The following DGKB variants were observed in gnomAD, a reference collection of about 807,000 sequenced individuals.
DGKB encodes diacylglycerol kinase beta.
Under a neutral mutation model 114.3 loss-of-function variants are expected in DGKB, and 67 were observed. That is an observed-to-expected ratio of 0.59 (90% CI 0.48 to 0.72). DGKB has a LOEUF of 0.72. DGKB is among the 30% of genes least tolerant of loss of function. The pLI is 0.00. For synonymous variants in DGKB, 398 were observed against 323.1 expected (o/e 1.23, Z -2.49); for missense variants, 907 against 975.2 (o/e 0.93, Z 0.93).
At chr7:14,885,525 G>T (rs186416488) in intron 1 of DGKB, among the ~76,000 whole-genome samples, 29 of 151,928 alleles carry the variant, frequency 1.9e-4, no homozygotes, top group Non-Finnish European at 3.2e-4. Flanking sequence ...AGAGAAGAAG[G>T]AGAATGCAAG....
chr7:14,734,623 A>G (rs372544437), intron 5 of DGKB, among the ~76,000 whole-genome samples: 3 of 152,310 alleles, frequency 2.0e-5, no homozygotes, highest in African/African-American at 7.2e-5. Context: ...AGAGATTTGC[A>G]ATTATGCAAA....
chr7:14,608,958 G>C (rs1258474832), intron 16 of DGKB, among the ~76,000 whole-genome samples: 1 of 151,992 alleles, frequency 6.6e-6, no homozygotes, highest in African/African-American at 2.4e-5. Context: ...GCTCATGGAA[G>C]AATCACTATC....
chr7:14,694,281 C>T (rs989380961), intron 8 of DGKB, 87 bp from the exon 9 acceptor site: 1 of 1,189,636 alleles, frequency 8.4e-7, no homozygotes, highest in African/African-American at 1.5e-5. Flanking sequence ...TGACTAACAG[C>T]TAAGTGGAGA....
rs1378019828 is a variant in DGKB at position 14,145,813 on chromosome 7, A to G, written c.*3318T>C. On this transcript the variant is annotated 3_prime_UTR_variant, in exon 26 of 26. Transcript: ENST00000402815. ...AACTAACGTTGACACAAAAAGGAAAAGAATGATCTCAAAATCTTGTCTCAT... is the reference window on the plus strand; with the variant it reads ...AACTAACGTTGACACAAAAAGGAAAGGAATGATCTCAAAATCTTGTCTCAT... 6.6e-6 allele frequency: 1 copy of G among 152,230 alleles called. No homozygotes were observed. Among genetic ancestry groups the G allele is most frequent in the Non-Finnish European group, 1.5e-5 (1 of 68,032 alleles). The allele number at this position is 152,230 out of a possible 1,614,324, so 9.4% of individuals were successfully genotyped here. A position where few individuals can be genotyped will look rare whatever the true frequency, so the allele number is the denominator to read the frequency against.
At chr7:14,726,751 C>T (rs1357871) in intron 5 of DGKB, among the ~76,000 whole-genome samples, 80,388 of 152,058 alleles carry the variant, frequency 0.53, 21,638 homozygotes, top group East Asian at 0.86. Context: ...CAAATCTTTA[C>T]GTATGATTTT....
intron 2 of DGKB, among the ~76,000 whole-genome samples, chr7:14,801,805 G>A (rs560367083): frequency 6.6e-6 from 1 of 151,106 alleles, no homozygotes; most frequent in South Asian, 2.1e-4. Context: ...TAATAAATTA[G>A]TTTCTCTCTC....
chr7:14,519,270 T>G (rs1455530634), intron 20 of DGKB, among the ~76,000 whole-genome samples: 2 of 152,044 alleles, frequency 1.3e-5, no homozygotes, highest in African/African-American at 4.8e-5. Context: ...ACCACCAGCC[T>G]CAGGCAACCT....
intron 23 of DGKB, among the ~76,000 whole-genome samples, chr7:14,231,580 A>G (rs918173989): frequency 1.5e-4 from 21 of 142,530 alleles, no homozygotes; most frequent in Non-Finnish European, 3.1e-4. Context: ...ATGTGTGTAT[A>G]TGTTTATTAT....
intron 21 of DGKB, among the ~76,000 whole-genome samples, chr7:14,392,995 G>GTTTTTTTGTTTTT (rs1554404750): frequency 1.7e-5 from 1 of 60,544 alleles, no homozygotes; most frequent in East Asian, 5.3e-4. Flanking sequence ...TTTTGTTTTT[G>GTTTTTTTGTTTTT]TTTTTTTTTT....
At chr7:14,588,182 C>T (rs1263484064) in intron 17 of DGKB, among the ~76,000 whole-genome samples, 1 of 151,940 alleles carries the variant, frequency 6.6e-6, no homozygotes, top group Non-Finnish European at 1.5e-5. Flanking sequence ...GCCTATTTAT[C>T]CTTTTGGTTT....
rs758551581 is a variant in DGKB at position 14,800,466 on chromosome 7, G to T, written c.70+40728C>A. Reference sequence around the variant, plus strand: ...AGGCAGAAAAGGAGAGACTGGCCTAGCTTCCCAGACTTGATCTTTCTCCCG... The same window carrying T: ...AGGCAGAAAAGGAGAGACTGGCCTATCTTCCCAGACTTGATCTTTCTCCCG... On this transcript the variant is annotated intron_variant, in intron 2 of 25. Transcript: ENST00000402815. Among the ~76,000 whole-genome samples the T allele has an allele frequency of 4.6e-5, 7 of 152,200 alleles. No individual in the cohort carries two copies. The South Asian group carries it at 1.0e-3, about 23-fold the overall frequency.
intron 21 of DGKB, among the ~76,000 whole-genome samples, chr7:14,370,945 G>A (rs930899377): frequency 1.3e-5 from 2 of 152,040 alleles, no homozygotes; most frequent in African/African-American, 2.4e-5. Flanking sequence ...AGTTAATTTA[G>A]TTAGGACAAT....
intron 21 of DGKB, among the ~76,000 whole-genome samples, chr7:14,406,261 C>T (rs1823909251): frequency 6.6e-6 from 1 of 151,958 alleles, no homozygotes; most frequent in Admixed American, 6.6e-5. Context: ...CCAACACACC[C>T]AGTAGAAAGA....
At chr7:14,635,635 G>C (rs1356578220) in intron 13 of DGKB, among the ~76,000 whole-genome samples, 1 of 151,436 alleles carries the variant, frequency 6.6e-6, no homozygotes, top group Non-Finnish European at 1.5e-5. Context: ...TTATTCTTCA[G>C]AACTCTTAAT....
At chr7:14,686,484 G>A (rs1030760399) in intron 9 of DGKB, among the ~76,000 whole-genome samples, 3 of 152,092 alleles carry the variant, frequency 2.0e-5, no homozygotes, top group Non-Finnish European at 4.4e-5. Flanking sequence ...GGTTGTCCAA[G>A]TTGTCATATT....
intron 20 of DGKB, among the ~76,000 whole-genome samples, chr7:14,570,889 A>G (rs1012414987): frequency 3.3e-5 from 5 of 152,114 alleles, no homozygotes; most frequent in African/African-American, 1.2e-4. Flanking sequence ...GGTCAAGTGT[A>G]TTTCTGTTTC....
intron 20 of DGKB, among the ~76,000 whole-genome samples, chr7:14,561,650 G>C (rs1281841850): frequency 6.6e-6 from 1 of 152,200 alleles, no homozygotes; most frequent in Non-Finnish European, 1.5e-5. Context: ...GGTAACTCTT[G>C]CTATACAAAG....
chr7:14,784,313 C>G (rs1839547271), intron 2 of DGKB, among the ~76,000 whole-genome samples: 1 of 150,526 alleles, frequency 6.6e-6, no homozygotes, highest in East Asian at 1.9e-4. Flanking sequence ...TTAATCATAT[C>G]AGAACAATAT....
intron 23 of DGKB, among the ~76,000 whole-genome samples, chr7:14,189,105 C>T (rs536847519): frequency 6.6e-5 from 10 of 152,146 alleles, no homozygotes; most frequent in South Asian, 2.1e-4. Context: ...TAAAACTCAC[C>T]GTAGAGTAAG....
Sources: gnomAD v4.1 joint callset for allele counts (sites outside exome capture counted in the v4.1 genomes callset) on GRCh38, gnomAD v4.1.1 for gene constraint, MANE v1.5 for transcripts, NCBI Gene and HGNC (gene_info 2026-07-23, HGNC 2026-07-21) for gene names.